Variants in GALNT13 observed in about 807,000 individuals in gnomAD.
GALNT13 encodes the protein UDP-GalNAc:polypeptide N-acetylgalactosaminyltransferase 13.
GALNT13 carries 28 observed loss-of-function variants against 64.2 expected under a neutral mutation model. The ratio of observed to expected loss-of-function variants is 0.44; its 90% confidence interval spans 0.32 to 0.60. The LOEUF (loss-of-function observed/expected upper bound fraction) is 0.60, where lower values mean the gene tolerates loss of function less well. Among genes scored for constraint, GALNT13 ranks in the 20% least tolerant of loss-of-function variants. The probability of loss-of-function intolerance (pLI) is 0.05; values close to 1 mark genes in which losing one functional copy is unlikely to be tolerated. For synonymous variants in GALNT13, 214 were observed against 224.6 expected, an observed-to-expected ratio of 0.95 and a Z score of 0.42; for missense variants, 577 against 669.8, an observed-to-expected ratio of 0.86 and a Z score of 1.53.
At chr2:154,102,194 T>G (rs1042436563) in intron 3 of GALNT13, among the ~76,000 whole-genome samples, 3 of 152,200 alleles carry the variant, frequency 2.0e-5, no homozygotes, top group African/African-American at 7.2e-5. Context: ...CCAGAATTTC[T>G]TTGTTGATTT....
the GALNT13 span, among the ~76,000 whole-genome samples, chr2:153,167,476 G>GT: frequency 6.6e-6 from 1 of 152,190 alleles, no homozygotes; most frequent in Non-Finnish European, 1.5e-5. Flanking sequence ...GCATAACCTA[G>GT]TCTTTCCTCC....
At chr2:153,506,037 G>A in the GALNT13 span, among the ~76,000 whole-genome samples, 3 of 151,986 alleles carry the variant, frequency 2.0e-5, no homozygotes, top group African/African-American at 4.8e-5. Flanking sequence ...CCAGTTTTAG[G>A]TGCGTATATA....
At chr2:153,393,851 T>C in the GALNT13 span, among the ~76,000 whole-genome samples, 4 of 151,994 alleles carry the variant, frequency 2.6e-5, 1 homozygote, top group Admixed American at 2.6e-4. Flanking sequence ...TGGGTCTCCA[T>C]CCTGCTAGCC....
At chr2:153,969,448 A>T (rs1361249622) in intron 3 of GALNT13, among the ~76,000 whole-genome samples, 2 of 152,090 alleles carry the variant, frequency 1.3e-5, no homozygotes, top group African/African-American at 4.8e-5. Flanking sequence ...TTTGTTCAAT[A>T]TAGAAAAATA....
At chr2:153,182,056 C>A in the GALNT13 span, among the ~76,000 whole-genome samples, 3 of 138,016 alleles carry the variant, frequency 2.2e-5, no homozygotes, top group Admixed American at 2.2e-4. Context: ...TTTTTTTTTT[C>A]TTTTTGAGGC....
At chr2:153,606,329 C>G in the GALNT13 span, among the ~76,000 whole-genome samples, 5,622 of 152,076 alleles carry the variant, frequency 0.037, 132 homozygotes, top group Middle Eastern at 0.058. Flanking sequence ...CTATTTCTGG[C>G]TACTAGAAAC....
At chr2:154,000,084 A>G (rs908319529) in intron 3 of GALNT13, among the ~76,000 whole-genome samples, 11 of 151,404 alleles carry the variant, frequency 7.3e-5, no homozygotes, top group African/African-American at 2.7e-4. Flanking sequence ...TTGTCCAGGA[A>G]TTTACCCATT....
At chr2:153,207,540 A>G in the GALNT13 span, among the ~76,000 whole-genome samples, 1 of 152,084 alleles carries the variant, frequency 6.6e-6, no homozygotes, top group African/African-American at 2.4e-5. Flanking sequence ...TATCAGCTAC[A>G]ATATTTCTAT....
the GALNT13 span, among the ~76,000 whole-genome samples, chr2:153,619,291 A>G: frequency 6.6e-6 from 1 of 152,056 alleles, no homozygotes; most frequent in African/African-American, 2.4e-5. Context: ...TAAACAAACA[A>G]GCAAAAAGAC....
the GALNT13 span, among the ~76,000 whole-genome samples, chr2:153,091,383 C>T: frequency 1.1e-3 from 169 of 152,234 alleles, no homozygotes; most frequent in Non-Finnish European, 2.0e-3. Context: ...ATCCTTTCTC[C>T]CTGATCTGTA....
chr2:153,147,475 G>A, the GALNT13 span, among the ~76,000 whole-genome samples: 2 of 151,650 alleles, frequency 1.3e-5, no homozygotes, highest in African/African-American at 4.8e-5. Context: ...GTAGTGAGGA[G>A]GAGTATCGAC....
chr2:154,204,538 C>T (rs1226056327), intron 4 of GALNT13, among the ~76,000 whole-genome samples: 1 of 152,120 alleles, frequency 6.6e-6, no homozygotes, highest in Non-Finnish European at 1.5e-5. Context: ...AACAATTCTC[C>T]TTTTCCCAGT....
intron 4 of GALNT13, among the ~76,000 whole-genome samples, chr2:154,223,267 AACAC>A (rs921787624): frequency 3.3e-5 from 5 of 152,056 alleles, no homozygotes; most frequent in Non-Finnish European, 2.9e-5. Flanking sequence ...CAATTAAATA[AACAC>A]ACACCATGTT....
At chr2:153,224,814 G>T in the GALNT13 span, among the ~76,000 whole-genome samples, 1 of 152,184 alleles carries the variant, frequency 6.6e-6, no homozygotes, top group Non-Finnish European at 1.5e-5. Flanking sequence ...AATAGCACGA[G>T]TAGCCCTTTA....
At chr2:153,151,319 A>G in the GALNT13 span, among the ~76,000 whole-genome samples, 3 of 152,006 alleles carry the variant, frequency 2.0e-5, no homozygotes, top group East Asian at 1.9e-4. Context: ...ATCATTGAAA[A>G]TCAGGAAACA....
the GALNT13 span, among the ~76,000 whole-genome samples, chr2:153,768,329 C>T: frequency 2.6e-5 from 4 of 152,116 alleles, no homozygotes; most frequent in Non-Finnish European, 5.9e-5. Flanking sequence ...GTCCAGTTTA[C>T]ATCCAGAATG....
chr2:153,659,415 G>A, the GALNT13 span, among the ~76,000 whole-genome samples: 16 of 152,170 alleles, frequency 1.1e-4, no homozygotes, highest in South Asian at 2.1e-4. Flanking sequence ...ACAAAAATGA[G>A]TAATATACTT....
intron 3 of GALNT13, among the ~76,000 whole-genome samples, chr2:153,981,732 T>G (rs28451243): frequency 0.062 from 9,366 of 152,128 alleles, 601 homozygotes; most frequent in African/African-American, 0.16. Context: ...CTTTGAATTT[T>G]GCTTTGTCAC....
chr2:153,200,784 A>G, the GALNT13 span, among the ~76,000 whole-genome samples: 2 of 152,236 alleles, frequency 1.3e-5, no homozygotes, highest in African/African-American at 2.4e-5. Flanking sequence ...AAGTGAGTCA[A>G]CATAGTTAAA....
Sources: allele counts gnomAD v4.1 joint callset (sites outside exome capture counted in the v4.1 genomes callset), GRCh38; gene constraint gnomAD v4.1.1; transcripts MANE v1.5; gene names NCBI Gene and HGNC (gene_info 2026-07-23, HGNC 2026-07-21).